The following AGMO variants were observed in gnomAD, a reference collection of about 807,000 sequenced individuals.
The protein encoded by AGMO is glyceryl-ether monooxygenase.
AGMO carries 75 observed loss-of-function variants against 60.2 expected under a neutral mutation model. That is an observed-to-expected ratio of 1.25 (90% CI 1.03 to 1.51). AGMO has a LOEUF of 1.51. Ranked by LOEUF, AGMO falls within the 40% of genes most tolerant of loss-of-function variation. The pLI is 0.00. For missense variants in AGMO, 763 were observed against 525.5 expected (o/e 1.45, Z -4.42); for synonymous variants, 261 against 177.1 (o/e 1.47, Z -3.76).
At chr7:15,151,412 T>C in the AGMO span, among the ~76,000 whole-genome samples, 1 of 152,074 alleles carries the variant, frequency 6.6e-6, no homozygotes, top group Non-Finnish European at 1.5e-5. Flanking sequence ...AGGTGTGATG[T>C]TAGATTTGAG....
intron 12 of AGMO, among the ~76,000 whole-genome samples, chr7:15,249,297 T>C (rs944845961): frequency 1.3e-5 from 2 of 151,950 alleles, no homozygotes; most frequent in Non-Finnish European, 2.9e-5. Flanking sequence ...AGTGAAGAAG[T>C]AGCTGACAGA....
intron 12 of AGMO, among the ~76,000 whole-genome samples, chr7:15,282,485 C>T (rs984659997): frequency 6.6e-6 from 1 of 151,814 alleles, no homozygotes; most frequent in African/African-American, 2.4e-5. Flanking sequence ...AATTTCAGGG[C>T]TTGAAACAAG....
intron 5 of AGMO, among the ~76,000 whole-genome samples, chr7:15,418,042 T>A (rs557050049): frequency 1.6e-4 from 25 of 152,178 alleles, no homozygotes; most frequent in African/African-American, 2.4e-5. Flanking sequence ...TTTCTTCAGG[T>A]TTTTTTGGAA....
At chr7:15,470,024 T>A (rs546938843) in intron 3 of AGMO, among the ~76,000 whole-genome samples, 104 of 152,152 alleles carry the variant, frequency 6.8e-4, no homozygotes, top group African/African-American at 2.4e-3. Context: ...TAAAAACAAC[T>A]TTTTAAGATT....
intron 5 of AGMO, among the ~76,000 whole-genome samples, chr7:15,417,661 A>G (rs1780811390): frequency 6.6e-6 from 1 of 152,204 alleles, no homozygotes; most frequent in African/African-American, 2.4e-5. Flanking sequence ...ATAATGCTAC[A>G]TATGTCCAAA....
chr7:15,487,860 A>C (rs1429077204), intron 3 of AGMO, among the ~76,000 whole-genome samples: 1 of 152,198 alleles, frequency 6.6e-6, no homozygotes, highest in Non-Finnish European at 1.5e-5. Flanking sequence ...GGCAAGTAAA[A>C]TATATTTTCA....
intron 6 of AGMO, 96 bp downstream of exon 6, chr7:15,394,017 C>G: frequency 1.3e-6 from 1 of 783,548 alleles, no homozygotes; most frequent in East Asian, 3.4e-5. Flanking sequence ...TGTGTGCTGA[C>G]TATATTGGGA....
intron 12 of AGMO, among the ~76,000 whole-genome samples, chr7:15,240,910 C>T (rs1782569618): frequency 6.6e-6 from 1 of 151,784 alleles, no homozygotes; most frequent in Admixed American, 6.6e-5. Flanking sequence ...TAATTCATTT[C>T]CTTAGGCTAC....
At chr7:15,363,368 G>A (rs941220340) in intron 12 of AGMO, among the ~76,000 whole-genome samples, 1 of 152,136 alleles carries the variant, frequency 6.6e-6, no homozygotes, top group Non-Finnish European at 1.5e-5. Flanking sequence ...CTTTTGTGGA[G>A]CACTTACTAT....
At chr7:15,230,912 G>C (rs1782240897) in intron 12 of AGMO, among the ~76,000 whole-genome samples, 1 of 152,132 alleles carries the variant, frequency 6.6e-6, no homozygotes, top group South Asian at 2.1e-4. Context: ...AATGGAACGA[G>C]GGAAGTCATC....
chr7:15,554,441 A>G (rs1277345863), intron 2 of AGMO, among the ~76,000 whole-genome samples: 2 of 152,038 alleles, frequency 1.3e-5, no homozygotes, highest in East Asian at 1.9e-4. Context: ...CTAAATGTAA[A>G]GAGACATTAG....
chr7:15,194,677 C>A, the AGMO span, among the ~76,000 whole-genome samples: 1 of 152,114 alleles, frequency 6.6e-6, no homozygotes, highest in Non-Finnish European at 1.5e-5. Context: ...TATTCAAAAG[C>A]AAATCAGTAC....
chr7:15,195,146 T>C, the AGMO span, among the ~76,000 whole-genome samples: 2 of 152,112 alleles, frequency 1.3e-5, no homozygotes, highest in Non-Finnish European at 2.9e-5. Context: ...AAGTGTAAAA[T>C]AGGGATCTAC....
the AGMO span, among the ~76,000 whole-genome samples, chr7:15,158,722 G>T: frequency 8.2e-4 from 125 of 152,240 alleles, no homozygotes; most frequent in African/African-American, 2.9e-3. Flanking sequence ...CCCCAGCATA[G>T]AATTGATTGC....
At chr7:15,293,542 T>C (rs923893397) in intron 12 of AGMO, among the ~76,000 whole-genome samples, 1 of 152,090 alleles carries the variant, frequency 6.6e-6, no homozygotes, top group Non-Finnish European at 1.5e-5. Context: ...TATAAAAAAA[T>C]GTTGAAACAA....
chr7:15,320,757 A>C (rs1781084243), intron 12 of AGMO, among the ~76,000 whole-genome samples: 1 of 152,160 alleles, frequency 6.6e-6, no homozygotes, highest in Non-Finnish European at 1.5e-5. Context: ...ATGCATACAA[A>C]CAAACTTGAA....
At chr7:15,303,111 A>G (rs1342626495) in intron 12 of AGMO, among the ~76,000 whole-genome samples, 1 of 152,102 alleles carries the variant, frequency 6.6e-6, no homozygotes, top group Non-Finnish European at 1.5e-5. Context: ...AAGACAGCTC[A>G]AAATGCAGAT....
intron 12 of AGMO, among the ~76,000 whole-genome samples, chr7:15,204,258 C>T (rs1781383561): frequency 6.6e-6 from 1 of 152,010 alleles, no homozygotes; most frequent in Non-Finnish European, 1.5e-5. Flanking sequence ...ACCTGATTAC[C>T]GTAGTCACTC....
chr7:15,508,256 G>A (rs1368564043), intron 3 of AGMO, among the ~76,000 whole-genome samples: 1 of 152,036 alleles, frequency 6.6e-6, no homozygotes, highest in African/African-American at 2.4e-5. Context: ...AACAAAAAAT[G>A]ACCAAAACTT....
Sources: gnomAD v4.1 joint callset for allele counts (sites outside exome capture counted in the v4.1 genomes callset) on GRCh38, gnomAD v4.1.1 for gene constraint, MANE v1.5 for transcripts, NCBI Gene and HGNC (gene_info 2026-07-23, HGNC 2026-07-21) for gene names.